The following DCBLD2 variants were observed in gnomAD, a reference collection of about 807,000 sequenced individuals.
DCBLD2 encodes discoidin, CUB and LCCL domain-containing protein 2.
In DCBLD2, 54 loss-of-function variants were observed where a neutral mutation model predicts 86.8. The observed-to-expected ratio is 0.62, with a 90% CI of 0.50 to 0.78. The LOEUF (loss-of-function observed/expected upper bound fraction) is 0.78. Ranked by LOEUF, DCBLD2 falls within the 30% of genes least tolerant of loss-of-function variation. The pLI, the probability that DCBLD2 is intolerant of heterozygous loss-of-function variation, is 0.00. For synonymous variants in DCBLD2, 354 were observed against 341.3 expected, an observed-to-expected ratio of 1.04 and a Z score of -0.41; for missense variants, 908 against 954.2, an observed-to-expected ratio of 0.95 and a Z score of 0.64.
At chr3:98,840,084 G>A (rs1942593693) in intron 3 of DCBLD2, among the ~76,000 whole-genome samples, 2 of 152,188 alleles carry the variant, frequency 1.3e-5, no homozygotes, top group Non-Finnish European at 2.9e-5. Flanking sequence ...TGGAGATAAG[G>A]ATAGTTGGTA....
intron 15 of DCBLD2, 110 bp from the exon 16 acceptor site, chr3:98,799,951 T>C: frequency 1.1e-6 from 1 of 936,256 alleles, no homozygotes; most frequent in Non-Finnish European, 1.6e-6. Context: ...TAGGATACTT[T>C]TGTTGCCATC....
At chr3:98,801,554 C>A (rs375248206) in intron 14 of DCBLD2, 46 bp downstream of exon 14, 6 of 1,531,156 alleles carry the variant, frequency 3.9e-6, no homozygotes, top group Admixed American at 1.8e-5. Flanking sequence ...TGTAGGGGAG[C>A]GACATCCCTC....
At chr3:98,832,750 C>G (rs1186501305) in intron 3 of DCBLD2, among the ~76,000 whole-genome samples, 1 of 152,172 alleles carries the variant, frequency 6.6e-6, no homozygotes, top group African/African-American at 2.4e-5. Context: ...TTAAGAATGT[C>G]AAATATAGGT....
chr3:98,870,121 G>A (rs1943231818), intron 2 of DCBLD2, among the ~76,000 whole-genome samples: 1 of 146,670 alleles, frequency 6.8e-6, no homozygotes, highest in African/African-American at 2.6e-5. Flanking sequence ...TTTGTAGACG[G>A]TGAGAGATAG....
In DCBLD2 at chr3:98,901,138, G is replaced by T; in HGVS notation, c.189C>A (p.Asp63Glu). The T allele has an allele frequency of 6.5e-7, 1 of 1,539,626 alleles. No individual in the cohort carries two copies. Among genetic ancestry groups the T allele is most frequent in the Non-Finnish European group, 8.7e-7 (1 of 1,146,808 alleles). The change falls in exon 1 of 16, where the codon GAC (aspartate) becomes GAA (glutamate). Residue 63 changes from aspartate to glutamate, a missense_variant. Asp to Glu is a conservative substitution (Grantham distance 45). Around this residue, in one of 3 missense-constraint regions of DCBLD2, gnomAD observed 294 missense variants for 256.0 expected, o/e 1.15. Transcript: ENST00000326840. ...ACCACTCACCTTGCTGGGCTCCAGC[G>T]TCCTCGAGCAGCAGGAGCAGGACAA... ...LLLVLLLLLE[D>E]AGAQQGDGCG... is the part of the protein sequence containing the mutation.
intron 1 of DCBLD2, among the ~76,000 whole-genome samples, chr3:98,898,103 C>G (rs983930004): frequency 6.6e-6 from 1 of 151,908 alleles, no homozygotes; most frequent in Non-Finnish European, 1.5e-5. Context: ...TACACAAATA[C>G]AAGCCATATG....
chr3:98,799,908 C>T (rs964222603), intron 15 of DCBLD2, 67 bp from the exon 16 acceptor site: 11 of 1,333,250 alleles, frequency 8.3e-6, no homozygotes, highest in African/African-American at 1.5e-5. Context: ...TTTAGGGTGG[C>T]AGCTGCAGAT....
Position 98,797,764 on chromosome 3 carries a change from A to G in DCBLD2, c.*1608T>C, listed in dbSNP as rs1038674194. The G allele has an allele frequency of 1.3e-5, 2 of 152,224 alleles. No homozygotes were observed. Among genetic ancestry groups the G allele is most frequent in the African/African-American group, 4.8e-5 (2 of 41,464 alleles). The allele number at this position is 152,224 out of a possible 1,614,324, so 9.4% of individuals were successfully genotyped here. On this transcript the variant is annotated 3_prime_UTR_variant, in exon 16 of 16. Coordinates refer to ENST00000326840, the MANE Select transcript of DCBLD2 (RefSeq NM_080927.4). ...ATGTTTTAGAATACTGATATAATTC[A>G]TGGAAACAAGAAAACAAATACTGTT...
In DCBLD2 at chr3:98,819,276, G is replaced by A. The variant is rs368134855; in HGVS notation, c.1013C>T (p.Pro338Leu). The A allele has an allele frequency of 1.1e-4, 181 of 1,612,630 alleles. 1 individual carries two copies. Among genetic ancestry groups the A allele is most frequent in the Non-Finnish European group, 1.5e-4 (173 of 1,179,370 alleles). The change falls in exon 8 of 16, where the codon CCG (proline) becomes CTG (leucine). Residue 338 changes from proline (P) to leucine (L), a missense_variant. Physicochemically the swap from Pro to Leu is moderately conservative, Grantham distance 98. Around this residue, in one of 3 missense-constraint regions of DCBLD2, gnomAD observed 606 missense variants for 678.5 expected, o/e 0.89. Coordinates refer to ENST00000326840, the MANE Select transcript of DCBLD2 (RefSeq NM_080927.4). ...ATCAGTGGCAAAAGCAGCCCAAGGC[G>A]GTCCAGGTTTTTTCAGCCTGGCTTT... ...PKKARLKKPGPPWAAFATDEY... is the reference protein window; with the variant it reads ...PKKARLKKPGLPWAAFATDEY...
chr3:98,859,823 C>G (rs1315702714), intron 2 of DCBLD2, among the ~76,000 whole-genome samples: 1 of 152,192 alleles, frequency 6.6e-6, no homozygotes, highest in African/African-American at 2.4e-5. Flanking sequence ...GCACCTCTCC[C>G]CCCACAAAGG....
chr3:98,858,005 G>C (rs1942968233), intron 2 of DCBLD2, among the ~76,000 whole-genome samples: 1 of 152,248 alleles, frequency 6.6e-6, no homozygotes, highest in Admixed American at 6.5e-5. Flanking sequence ...CAATGGGACT[G>C]GGTGCCATGG....
At chr3:98,894,401 T>C (rs897514221) in intron 1 of DCBLD2, among the ~76,000 whole-genome samples, 11 of 152,140 alleles carry the variant, frequency 7.2e-5, no homozygotes, top group African/African-American at 1.9e-4. Context: ...GAGATGCCTA[T>C]TGAAGTCAGA....
Position 98,881,611 on chromosome 3 carries a change from T to G in DCBLD2, c.362A>C (p.Glu121Ala). 1.9e-6 allele frequency: 3 copies of G among 1,613,972 alleles called. No homozygotes were observed. Among genetic ancestry groups the G allele is most frequent in the Non-Finnish European group, 2.5e-6 (3 of 1,179,894 alleles). Residue 121 changes from glutamate (E) to alanine (A), a missense_variant, in exon 2 of 16, where the codon GAA becomes GCA. Coordinates refer to ENST00000326840, the MANE Select transcript of DCBLD2 (RefSeq NM_080927.4). ...ATTAAAGTGACAAGAATCAGAATCT[T>G]CAATGTCAAAGTCACCAAATTTGAT... ...VRIKFGDFDI[E>A]DSDSCHFNYL...
At chr3:98,816,756 T>C (rs1218378607) in intron 9 of DCBLD2, among the ~76,000 whole-genome samples, 2 of 152,176 alleles carry the variant, frequency 1.3e-5, no homozygotes, top group East Asian at 1.9e-4. Flanking sequence ...ATAGGAAAGT[T>C]TGAAAAAATG....
Position 98,901,283 on chromosome 3 carries a change from C to T in DCBLD2, c.44G>A (p.Cys15Tyr), listed in dbSNP as rs1462903235. The change falls in exon 1 of 16, where the codon TGT (cysteine) becomes TAT (tyrosine). Residue 15 changes from cysteine to tyrosine, a missense_variant. Cys to Tyr is a radical substitution (Grantham distance 194, BLOSUM62 -2). This residue lies in a region of DCBLD2 where 294 missense variants were observed against 256.0 expected (regional missense o/e 1.15). Transcript: ENST00000326840. ...GGCGGCCGCGGCCCGGACTTGGGGACACTGCGGGCAGCGCCTGGCTCTCAC... is the reference window on the plus strand; with the variant it reads ...GGCGGCCGCGGCCCGGACTTGGGGATACTGCGGGCAGCGCCTGGCTCTCAC... Reference protein sequence around the residue: ...AVVRARRCPQCPQVRAAAAAP... With the variant: ...AVVRARRCPQYPQVRAAAAAP... 3.9e-6 allele frequency: 6 copies of T among 1,526,624 alleles called. No homozygotes were observed. Among genetic ancestry groups the T allele is most frequent in the East Asian group, 2.5e-5 (1 of 40,530 alleles). 94.6% of individuals were successfully genotyped at this position (1,526,624 alleles called of 1,614,324 possible).
In DCBLD2 at chr3:98,797,549, G is replaced by A. The variant is rs1019029321; in HGVS notation, c.*1823C>T. 1.3e-5 allele frequency: 2 copies of A among 152,404 alleles called. No individual in the cohort carries two copies. The highest frequency in any genetic ancestry group is 2.9e-5 in the Non-Finnish European group (2 of 68,004). 9.4% of individuals were successfully genotyped at this position (152,404 alleles called of 1,614,324 possible). A position where few individuals can be genotyped will look rare whatever the true frequency, so the allele number is the denominator to read the frequency against. On this transcript the variant is annotated 3_prime_UTR_variant, in exon 16 of 16. Transcript: ENST00000326840. ...ATATGTGCTTTCCACATCCATATAT[G>A]TTTTAATAAAAGTCTACCATCTATG...
rs545420771 is a variant in DCBLD2 at position 98,851,342 on chromosome 3, T to C, written c.434-1744A>G. On this transcript the variant is annotated intron_variant, in intron 2 of 15. Transcript: ENST00000326840. ...ATCATGAGAGAACTCCCATTCACAA[T>C]TGCTACAAAGAGAATAAAATACCTA... is the stretch of plus-strand genomic sequence containing the variant. 1.2e-4 allele frequency among the ~76,000 whole-genome samples: 19 copies of C among 152,166 alleles called. 1 individual carries two copies. The highest frequency in any genetic ancestry group is 3.9e-4 in the Admixed American group (6 of 15,282).
intron 1 of DCBLD2, among the ~76,000 whole-genome samples, chr3:98,891,015 G>T (rs564912964): frequency 6.6e-6 from 1 of 151,974 alleles, no homozygotes; most frequent in South Asian, 2.1e-4. Context: ...CTAGGTATTA[G>T]GAACAACAGT....
chr3:98,798,375 C>T lies in DCBLD2; in HGVS notation c.*997G>A, dbSNP rs1322382856. 6.6e-6 allele frequency: 1 copy of T among 152,088 alleles called. No homozygotes were observed. Among genetic ancestry groups the T allele is most frequent in the Non-Finnish European group, 1.5e-5 (1 of 68,008 alleles). The allele number at this position is 152,088 out of a possible 1,614,324, so 9.4% of individuals were successfully genotyped here. A position where few individuals can be genotyped will look rare whatever the true frequency, so the allele number is the denominator to read the frequency against. On this transcript the variant is annotated 3_prime_UTR_variant, in exon 16 of 16. Transcript: ENST00000326840. ...AACCAAAAAGGACAAATTCTGGTTA[C>T]TTTTTAAAGAGGTAATTTATATTAC...
Sources: gnomAD v4.1 joint callset for allele counts (sites outside exome capture counted in the v4.1 genomes callset) on GRCh38, gnomAD v4.1.1 for gene constraint, gnomAD v4.1.1 regional missense constraint, MANE v1.5 for transcripts, NCBI Gene and HGNC (gene_info 2026-07-23, HGNC 2026-07-21) for gene names.